Variants in ANKRD18B observed in about 807,000 individuals in gnomAD.
The protein encoded by ANKRD18B is ankyrin repeat domain-containing protein 18B.
A neutral mutation model predicts 111.8 loss-of-function variants in ANKRD18B; 75 were observed. The ratio of observed to expected loss-of-function variants is 0.67; its 90% CI spans 0.56 to 0.81. The LOEUF (loss-of-function observed/expected upper bound fraction) is 0.81. Among genes scored for constraint, ANKRD18B ranks in the 40% least tolerant of loss-of-function variants. ANKRD18B has a pLI of 0.00. For synonymous variants in ANKRD18B, 356 were observed against 417.3 expected (o/e 0.85, Z 1.79); for missense variants, 1,038 against 1,225.5 (o/e 0.85, Z 2.28).
intron 14 of ANKRD18B, among the ~76,000 whole-genome samples, chr9:33,558,953 A>G (rs531888825): frequency 5.3e-5 from 8 of 152,316 alleles, no homozygotes; most frequent in African/African-American, 1.7e-4. Flanking sequence ...TGAGGAAGGC[A>G]TACATTGGCT....
intron 3 of ANKRD18B, among the ~76,000 whole-genome samples, chr9:33,531,191 A>C (rs1472876419): frequency 6.6e-6 from 1 of 152,206 alleles, no homozygotes; most frequent in Non-Finnish European, 1.5e-5. Flanking sequence ...AATTATATAC[A>C]CATAGATTGC....
intron 5 of ANKRD18B, among the ~76,000 whole-genome samples, chr9:33,534,963 G>A (rs562594892): frequency 6.6e-5 from 10 of 151,732 alleles, no homozygotes; most frequent in Non-Finnish European, 1.2e-4. Flanking sequence ...ATTGGGTCTC[G>A]AAATGTCCAC....
intron 10 of ANKRD18B, among the ~76,000 whole-genome samples, chr9:33,545,910 A>T (rs1828348510): frequency 6.6e-6 from 1 of 152,210 alleles, no homozygotes; most frequent in Admixed American, 6.5e-5. Context: ...TATGTGTCAA[A>T]GTAGATTAGT....
intron 1 of ANKRD18B, among the ~76,000 whole-genome samples, chr9:33,525,034 A>G (rs1487186811): frequency 6.6e-6 from 1 of 151,950 alleles, no homozygotes; most frequent in Non-Finnish European, 1.5e-5. Context: ...TTTTACATCC[A>G]AATCCACCTA....
intron 13 of ANKRD18B, among the ~76,000 whole-genome samples, chr9:33,557,707 G>A (rs1828546829): frequency 6.6e-6 from 1 of 151,904 alleles, no homozygotes; most frequent in Non-Finnish European, 1.5e-5. Flanking sequence ...AGAATCACTT[G>A]AACCCAGGAA....
chr9:33,537,442 C>A (rs1030594112), intron 6 of ANKRD18B, among the ~76,000 whole-genome samples: 2 of 152,130 alleles, frequency 1.3e-5, no homozygotes, highest in Non-Finnish European at 2.9e-5. Context: ...TTCTCAATCT[C>A]AAACCGTATT....
At chr9:33,524,720 G>A (rs1259057213) in intron 1 of ANKRD18B, 25 bp downstream of exon 1, 1 of 1,543,402 alleles carries the variant, frequency 6.5e-7, no homozygotes, top group Non-Finnish European at 8.7e-7. Flanking sequence ...GCCCTCGGTG[G>A]GAGGGGGCCC....
rs1379428679 is a variant in ANKRD18B, at chr9:33,529,135, C to T, written c.457C>T (p.Leu153=). The change falls in exon 3 of 19, where the codon CTG becomes TTG. Residue 153 remains leucine, a synonymous_variant. Transcript: ENST00000684830. ...TGAGGGGACTTCACTGGCAGAAAGA[C>T]TGCTTTCCCACCATGCAAATATTGA... The part of the protein sequence containing the change: ...YNEGTSLAER[L]LSHHANIEAL... 9 of 1,611,808 alleles carry T rather than the reference C, an allele frequency of 5.6e-6. No individual in the cohort carries two copies. The highest frequency in any genetic ancestry group is 7.6e-6 in the Non-Finnish European group (9 of 1,179,832).
chr9:33,565,207 T>C (rs1828667211), intron 14 of ANKRD18B, among the ~76,000 whole-genome samples: 1 of 152,230 alleles, frequency 6.6e-6, no homozygotes, highest in Admixed American at 6.5e-5. Context: ...TGGTGTTAGA[T>C]AGGAAGCTAG....
At chr9:33,536,762 A>C (rs1435420414) in intron 5 of ANKRD18B, 116 bp from the exon 6 acceptor site, 1 of 637,006 alleles carries the variant, frequency 1.6e-6, no homozygotes, top group Non-Finnish European at 2.4e-6. Flanking sequence ...ATTGGACATT[A>C]GATTTCTGAT....
At chr9:33,547,517 G>T (rs1048861105) in intron 10 of ANKRD18B, among the ~76,000 whole-genome samples, 2 of 152,086 alleles carry the variant, frequency 1.3e-5, no homozygotes, top group Admixed American at 1.3e-4. Flanking sequence ...TGGAGGTAAA[G>T]CTCTTACTAT....
chr9:33,550,646 C>A, intron 12 of ANKRD18B, 67 bp downstream of exon 12: 3 of 1,332,830 alleles, frequency 2.3e-6, no homozygotes, highest in Non-Finnish European at 2.9e-6. Flanking sequence ...TCCTAAGTGT[C>A]TTAGGATACT....
intron 17 of ANKRD18B, chr9:33,569,137 A>C (rs1337691977): frequency 1.4e-5 from 5 of 350,892 alleles, no homozygotes; most frequent in African/African-American, 1.1e-4. Context: ...CACATTTAAA[A>C]TTTCTCTAAA....
Position 33,548,165 on chromosome 9 carries a change from G to A in ANKRD18B, c.1377G>A (p.Ser459=), listed in dbSNP as rs201984104. 1.5e-4 allele frequency: 225 copies of A among 1,542,256 alleles called. No individual in the cohort carries two copies. The highest frequency in any genetic ancestry group is 5.0e-4 in the Middle Eastern group (3 of 5,954). ...EMITKKVAQY[S]QQLNDLKAEN... The stretch of plus-strand genomic sequence containing the variant: ...TAACAAAAAAAGTGGCCCAGTATTC[G>A]CAACAGCTTAATGATCTGAAAGCTG... Residue 459 remains serine, a synonymous_variant, in exon 11 of 19, where the codon TCG becomes TCA. Transcript: ENST00000684830.
At chr9:33,568,488 T>C (rs1053000541) in intron 16 of ANKRD18B, among the ~76,000 whole-genome samples, 183 bp from the exon 17 acceptor site, 2 of 152,350 alleles carry the variant, frequency 1.3e-5, no homozygotes, top group East Asian at 3.9e-4. Flanking sequence ...CATATACTTA[T>C]TTAGAATGAT....
intron 1 of ANKRD18B, among the ~76,000 whole-genome samples, chr9:33,527,309 T>TTTTTTTTG (rs144444981): frequency 1.4e-5 from 2 of 144,460 alleles, no homozygotes; most frequent in East Asian, 2.1e-4. Context: ...ATGTTTCTTT[T>TTTTTTTTG]TTTGTTTGTT....
intron 15 of ANKRD18B, 190 bp from the exon 16 acceptor site, chr9:33,566,913 T>G (rs1427948881): frequency 5.1e-6 from 3 of 590,284 alleles, no homozygotes; most frequent in African/African-American, 3.8e-5. Context: ...ATTCCAAATT[T>G]TTATAAATCA....
chr9:33,537,902 AT>A (rs1486600395), intron 6 of ANKRD18B, among the ~76,000 whole-genome samples: 1 of 152,358 alleles, frequency 6.6e-6, no homozygotes, highest in East Asian at 1.9e-4. Context: ...AAAGAAAAAA[AT>A]ATACTTAGTA....
chr9:33,541,237 T>G lies in ANKRD18B; in HGVS notation c.1078+10T>G. 1 of 1,542,622 alleles carries G rather than the reference T, an allele frequency of 6.5e-7. No individual in the cohort carries two copies. Among genetic ancestry groups the G allele is most frequent in the Non-Finnish European group, 8.7e-7 (1 of 1,144,858 alleles). On this transcript the variant is annotated intron_variant, in intron 9 of 18. Coordinates refer to ENST00000684830, the MANE Select transcript of ANKRD18B (RefSeq NM_001393611.1). ...AAAGAAGGTGCAAAAGGTAAGACAC[T>G]TGAGTATCTCTACTCTTAACCATGT... is the stretch of plus-strand genomic sequence containing the variant.
Sources: allele counts gnomAD v4.1 joint callset (sites outside exome capture counted in the v4.1 genomes callset), GRCh38; gene constraint gnomAD v4.1.1; transcripts MANE v1.5; gene names NCBI Gene and HGNC (gene_info 2026-07-23, HGNC 2026-07-21).